Variants in PRR16 observed in about 807,000 individuals in gnomAD.
PRR16 encodes proline rich 16, also known as protein Largen.
Under a neutral mutation model 18.2 loss-of-function variants are expected in PRR16, and 6 were observed. The observed-to-expected ratio is 0.33, with a 90% CI of 0.18 to 0.65. The LOEUF is 0.65. Among genes scored for constraint, PRR16 ranks in the 30% least tolerant of loss-of-function variants. The pLI is 0.74. For missense variants in PRR16, 412 were observed against 376.6 expected, an observed-to-expected ratio of 1.09 and a Z score of -0.78; for synonymous variants, 151 against 147.8, an observed-to-expected ratio of 1.02 and a Z score of -0.16.
intron 1 of PRR16, among the ~76,000 whole-genome samples, chr5:120,623,317 T>A (rs1415415887): frequency 1.3e-5 from 2 of 152,190 alleles, no homozygotes; most frequent in East Asian, 1.9e-4. Flanking sequence ...TATGTAATTA[T>A]CTATGTCCTA....
chr5:120,650,832 G>T (rs1755757670), intron 1 of PRR16, among the ~76,000 whole-genome samples: 1 of 151,948 alleles, frequency 6.6e-6, no homozygotes, highest in South Asian at 2.1e-4. Context: ...TAGTCCTTTG[G>T]GTATATACCC....
the PRR16 span, among the ~76,000 whole-genome samples, chr5:120,709,772 T>A: frequency 1.3e-5 from 2 of 152,192 alleles, no homozygotes; most frequent in African/African-American, 2.4e-5. Flanking sequence ...TCACTTGACA[T>A]AATAATCTCC....
the PRR16 span, among the ~76,000 whole-genome samples, chr5:120,750,692 A>G: frequency 9.9e-5 from 15 of 152,228 alleles, no homozygotes; most frequent in Middle Eastern, 0.014. Flanking sequence ...GGATACATAC[A>G]TATGTGCATA....
Position 120,464,485 on chromosome 5 carries a change from G to C in PRR16, c.-2G>C. The C allele has an allele frequency of 1.3e-5, 21 of 1,586,206 alleles. No individual in the cohort carries two copies. Among genetic ancestry groups the C allele is most frequent in the Non-Finnish European group, 1.8e-5 (21 of 1,174,424 alleles). On this transcript the variant is annotated 5_prime_UTR_variant, in exon 1 of 2. Transcript: ENST00000407149. ...CTGACCTGCCTCGCTTGCCCCCAAA[G>C]AATGTCAGCCAAGTCCAAGGGGAAC...
At chr5:120,671,070 T>C (rs758793427) in intron 1 of PRR16, among the ~76,000 whole-genome samples, 2 of 152,106 alleles carry the variant, frequency 1.3e-5, no homozygotes, top group Non-Finnish European at 2.9e-5. Context: ...TTCCTCCTTT[T>C]TCTAGCTTGC....
At chr5:120,754,149 TATAA>T in the PRR16 span, among the ~76,000 whole-genome samples, 1 of 35,642 alleles carries the variant, frequency 2.8e-5, no homozygotes, top group Non-Finnish European at 5.3e-5. Context: ...ATATATAATA[TATAA>T]ATATGATATA....
At chr5:120,773,146 G>A in the PRR16 span, among the ~76,000 whole-genome samples, 75 of 152,186 alleles carry the variant, frequency 4.9e-4, no homozygotes, top group African/African-American at 1.5e-3. Context: ...ACTAGTATCC[G>A]TTAAGACTCT....
chr5:120,486,514 T>G (rs1749806047), intron 1 of PRR16, among the ~76,000 whole-genome samples: 1 of 152,048 alleles, frequency 6.6e-6, no homozygotes, highest in Non-Finnish European at 1.5e-5. Context: ...TCCTGTAAAT[T>G]TGTTTGAGTT....
At chr5:120,471,602 C>T (rs1452282959) in intron 1 of PRR16, among the ~76,000 whole-genome samples, 1 of 152,034 alleles carries the variant, frequency 6.6e-6, no homozygotes, top group Non-Finnish European at 1.5e-5. Flanking sequence ...TTAGTGCTAT[C>T]GATTATAAAC....
the PRR16 span, among the ~76,000 whole-genome samples, chr5:120,751,843 G>C: frequency 1.3e-5 from 2 of 151,998 alleles, no homozygotes; most frequent in Non-Finnish European, 2.9e-5. Context: ...AGGCTCACAG[G>C]TAGGCCTTTA....
At chr5:120,620,687 C>T (rs1037881310) in intron 1 of PRR16, among the ~76,000 whole-genome samples, 10 of 152,034 alleles carry the variant, frequency 6.6e-5, no homozygotes, top group Non-Finnish European at 1.5e-4. Flanking sequence ...TGGGTCCTTG[C>T]TTCCTCAGCT....
Position 120,553,629 on chromosome 5 carries a change from G to T in PRR16, c.159+88984G>T, listed in dbSNP as rs1383034778. Among the ~76,000 whole-genome samples, 5 of 151,888 alleles carry T rather than the reference G, an allele frequency of 3.3e-5. No individual in the cohort carries two copies. In the East Asian group the frequency reaches 5.8e-4, roughly 18 times the overall value. On this transcript the variant is annotated intron_variant, in intron 1 of 1. Coordinates refer to ENST00000407149, the MANE Select transcript of PRR16 (RefSeq NM_001300783.2). ...ATGAGTGAATCATTTTCAAAAGTTGGTAATCTCTTATTATGTTTCAAAGCA... is the reference window on the plus strand; with the variant it reads ...ATGAGTGAATCATTTTCAAAAGTTGTTAATCTCTTATTATGTTTCAAAGCA...
the PRR16 span, among the ~76,000 whole-genome samples, chr5:120,767,035 A>T: frequency 6.6e-6 from 1 of 151,976 alleles, no homozygotes; most frequent in Non-Finnish European, 1.5e-5. Context: ...TAAAACAAGA[A>T]TGTTTATGTA....
chr5:120,739,429 T>C, the PRR16 span, among the ~76,000 whole-genome samples: 2 of 152,158 alleles, frequency 1.3e-5, no homozygotes, highest in Admixed American at 6.5e-5. Flanking sequence ...TGGGTTACTT[T>C]TCTTTGTCTA....
At chr5:120,699,992 T>A in the PRR16 span, among the ~76,000 whole-genome samples, 2 of 152,160 alleles carry the variant, frequency 1.3e-5, no homozygotes, top group African/African-American at 4.8e-5. Context: ...CTGAGCTTGA[T>A]GGGTGTCAGG....
intron 1 of PRR16, among the ~76,000 whole-genome samples, chr5:120,640,102 A>G (rs1324089965): frequency 6.6e-6 from 1 of 152,086 alleles, no homozygotes; most frequent in Non-Finnish European, 1.5e-5. Context: ...TTACATGGAT[A>G]TAAAGGTGGA....
chr5:120,566,979 C>A (rs1185216773), intron 1 of PRR16, among the ~76,000 whole-genome samples: 1 of 150,516 alleles, frequency 6.6e-6, no homozygotes, highest in Non-Finnish European at 1.5e-5. Context: ...TTTTTTTTTC[C>A]TGTTCCTAAG....
intron 1 of PRR16, among the ~76,000 whole-genome samples, chr5:120,514,766 C>A (rs1014346273): frequency 2.6e-5 from 4 of 152,202 alleles, no homozygotes; most frequent in African/African-American, 7.2e-5. Flanking sequence ...AGATTCTGAT[C>A]ACAATAATTT....
intron 1 of PRR16, among the ~76,000 whole-genome samples, chr5:120,651,506 T>C (rs904947355): frequency 1.3e-5 from 2 of 152,204 alleles, no homozygotes; most frequent in African/African-American, 4.8e-5. Context: ...AATTTTCATA[T>C]AAGGTGTAAG....
Sources: allele counts gnomAD v4.1 joint callset (sites outside exome capture counted in the v4.1 genomes callset), GRCh38; gene constraint gnomAD v4.1.1; transcripts MANE v1.5; gene names NCBI Gene and HGNC (gene_info 2026-07-23, HGNC 2026-07-21).